Variants in PLCL1 observed in about 807,000 individuals in gnomAD.
PLCL1 encodes inactive phospholipase C-like protein 1.
PLCL1 carries 41 observed loss-of-function variants against 84.4 expected under a neutral mutation model. That is an observed-to-expected ratio of 0.49 (90% CI 0.38 to 0.63). The LOEUF (loss-of-function observed/expected upper bound fraction) is 0.63. PLCL1 is among the 30% of genes least tolerant of loss of function. The probability of loss-of-function intolerance (pLI) is 0.00; values close to 1 mark genes in which losing one functional copy is unlikely to be tolerated. For missense variants in PLCL1, 1,206 were observed against 1,367.8 expected (o/e 0.88, Z 1.87); for synonymous variants, 490 against 488.3 (o/e 1.00, Z -0.05).
At chr2:198,028,781 A>G (rs1320408219) in intron 1 of PLCL1, among the ~76,000 whole-genome samples, 1 of 152,002 alleles carries the variant, frequency 6.6e-6, no homozygotes. Context: ...TCATGAACTT[A>G]TTTTCTATGA....
intron 2 of PLCL1, among the ~76,000 whole-genome samples, chr2:198,088,148 T>C (rs879381568): frequency 6.6e-6 from 1 of 152,188 alleles, no homozygotes; most frequent in Non-Finnish European, 1.5e-5. Context: ...TTAAAATACA[T>C]AGAAGTGTTA....
intron 5 of PLCL1, among the ~76,000 whole-genome samples, chr2:198,123,305 G>A (rs1693914206): frequency 6.6e-6 from 1 of 152,010 alleles, no homozygotes; most frequent in Non-Finnish European, 1.5e-5. Flanking sequence ...ATTAGGAGGG[G>A]TTGACTGTTA....
intron 1 of PLCL1, among the ~76,000 whole-genome samples, chr2:198,030,459 A>T (rs929826713): frequency 6.6e-6 from 1 of 152,178 alleles, no homozygotes; most frequent in African/African-American, 2.4e-5. Context: ...AAGGAAGATA[A>T]AAAAGTTTAG....
chr2:197,985,136 A>C (rs1259536537), intron 1 of PLCL1, among the ~76,000 whole-genome samples: 1 of 152,174 alleles, frequency 6.6e-6, no homozygotes. Context: ...TGCAAGCGCA[A>C]GGTAGGATCA....
intron 1 of PLCL1, among the ~76,000 whole-genome samples, chr2:198,043,635 G>T (rs899639229): frequency 4.6e-5 from 7 of 152,212 alleles, no homozygotes; most frequent in Non-Finnish European, 8.8e-5. Flanking sequence ...AGTTGTGAAG[G>T]TGAGAGAATC....
chr2:198,048,585 G>A (rs1025105660), intron 1 of PLCL1, among the ~76,000 whole-genome samples: 6 of 152,206 alleles, frequency 3.9e-5, no homozygotes, highest in African/African-American at 1.4e-4. Context: ...ATCACGTGGT[G>A]AGATAAGGAA....
chr2:198,016,268 A>G (rs1335285558), intron 1 of PLCL1, among the ~76,000 whole-genome samples: 2 of 152,184 alleles, frequency 1.3e-5, no homozygotes, highest in South Asian at 2.1e-4. Context: ...AAGAAGAGTA[A>G]AAGATCTACA....
chr2:198,095,873 A>G (rs1693178186), intron 3 of PLCL1, among the ~76,000 whole-genome samples: 1 of 152,256 alleles, frequency 6.6e-6, no homozygotes, highest in South Asian at 2.1e-4. Context: ...CCAAAGATGA[A>G]TAAGCAGAGA....
chr2:198,021,075 G>C (rs1486675472), intron 1 of PLCL1, among the ~76,000 whole-genome samples: 1 of 152,130 alleles, frequency 6.6e-6, no homozygotes, highest in East Asian at 1.9e-4. Flanking sequence ...AATCAAATTA[G>C]AATTCAGGAT....
At chr2:198,049,019 G>A (rs1348836930) in intron 1 of PLCL1, among the ~76,000 whole-genome samples, 1 of 152,212 alleles carries the variant, frequency 6.6e-6, no homozygotes, top group Non-Finnish European at 1.5e-5. Context: ...ATAAGGGTGG[G>A]AGAGTGATGG....
At position 197,882,358 on chromosome 2, in the gene PLCL1, C is replaced by T. The variant is rs553576968; in HGVS notation, c.240+77019C>T. 4.6e-5 allele frequency among the ~76,000 whole-genome samples: 7 copies of T among 152,226 alleles called. No individual in the cohort carries two copies. The South Asian group carries it at 1.5e-3, about 32-fold the overall frequency. ...TATTAGCATTAGGAGATAGCACAACCTAAAGGCCAAACTGTGTTCATCTAA... is the reference window on the plus strand; with the variant it reads ...TATTAGCATTAGGAGATAGCACAACTTAAAGGCCAAACTGTGTTCATCTAA... On this transcript the variant is annotated intron_variant, in intron 1 of 5. Coordinates refer to ENST00000428675, the MANE Select transcript of PLCL1 (RefSeq NM_006226.4).
chr2:197,918,777 C>G (rs1284182683), intron 1 of PLCL1, among the ~76,000 whole-genome samples: 3 of 151,892 alleles, frequency 2.0e-5, no homozygotes, highest in Admixed American at 6.6e-5. Context: ...TCCCAAAAAA[C>G]AAAAAACGAA....
chr2:197,833,330 G>A (rs1252878426), intron 1 of PLCL1, among the ~76,000 whole-genome samples: 2 of 152,186 alleles, frequency 1.3e-5, no homozygotes, highest in African/African-American at 2.4e-5. Flanking sequence ...TCTGGCCAGG[G>A]CAATCAGGCA....
intron 1 of PLCL1, among the ~76,000 whole-genome samples, chr2:198,073,054 AAGTC>A (rs1257406147): frequency 6.6e-6 from 1 of 152,194 alleles, no homozygotes; most frequent in Admixed American, 6.5e-5. Flanking sequence ...GCTTTGCAAA[AAGTC>A]ATGCAAGTAG....
intron 1 of PLCL1, among the ~76,000 whole-genome samples, chr2:198,009,723 T>C (rs948832632): frequency 6.6e-6 from 1 of 152,024 alleles, no homozygotes; most frequent in African/African-American, 2.4e-5. Flanking sequence ...AAAAGTGTCA[T>C]TGGAATTTTT....
intron 1 of PLCL1, among the ~76,000 whole-genome samples, chr2:197,897,807 A>C (rs1011936995): frequency 6.6e-6 from 1 of 152,224 alleles, no homozygotes; most frequent in Non-Finnish European, 1.5e-5. Flanking sequence ...CACATATGTC[A>C]GATCTGTGAT....
intron 5 of PLCL1, among the ~76,000 whole-genome samples, chr2:198,108,980 CAA>C (rs1161496601): frequency 4.0e-5 from 6 of 151,862 alleles, no homozygotes; most frequent in African/African-American, 1.4e-4. Flanking sequence ...ACTACCTTTT[CAA>C]GACAATCACT....
At chr2:197,868,760 C>A (rs192658912) in intron 1 of PLCL1, among the ~76,000 whole-genome samples, 1 of 151,700 alleles carries the variant, frequency 6.6e-6, no homozygotes, top group African/African-American at 2.4e-5. Flanking sequence ...AAGTGATCCA[C>A]CCACCTCAGC....
At chr2:197,886,530 G>A (rs1025369112) in intron 1 of PLCL1, among the ~76,000 whole-genome samples, 9 of 148,716 alleles carry the variant, frequency 6.1e-5, no homozygotes, top group Admixed American at 5.5e-4. Flanking sequence ...TCCCTGGATT[G>A]TCAGTTTATT....
Sources: allele counts gnomAD v4.1 joint callset (sites outside exome capture counted in the v4.1 genomes callset), GRCh38; gene constraint gnomAD v4.1.1; transcripts MANE v1.5; gene names NCBI Gene and HGNC (gene_info 2026-07-23, HGNC 2026-07-21).